SHOC2: variants seen among roughly 807,000 people sequenced by gnomAD.
SHOC2 encodes SHOC2 leucine rich repeat scaffold protein, also known as leucine-rich repeat protein SHOC-2.
Under a neutral mutation model 50.2 loss-of-function variants are expected in SHOC2, and 4 were observed. The observed-to-expected ratio is 0.08, with a 90% CI of 0.04 to 0.18. The LOEUF (loss-of-function observed/expected upper bound fraction) is 0.18, where lower values mean the gene tolerates loss of function less well. Among genes scored for constraint, SHOC2 ranks in the 10% least tolerant of loss-of-function variants. SHOC2 has a pLI of 1.00. For missense variants in SHOC2, 388 were observed against 669.6 expected (o/e 0.58, Z 4.64); for synonymous variants, 218 against 244.5 (o/e 0.89, Z 1.01).
At chr10:110,926,411 C>A (rs1404554004) in intron 1 of SHOC2, among the ~76,000 whole-genome samples, 2 of 152,196 alleles carry the variant, frequency 1.3e-5, no homozygotes, top group Non-Finnish European at 2.9e-5. Flanking sequence ...TTTAAACACA[C>A]ATTTTCTGTT....
chr10:110,921,288 T>G (rs558835177), intron 1 of SHOC2, among the ~76,000 whole-genome samples: 2 of 152,360 alleles, frequency 1.3e-5, no homozygotes, highest in South Asian at 4.1e-4. Flanking sequence ...AGACTGAGTA[T>G]GATAAGCCTT....
At chr10:110,973,762 A>G (rs1448195458) in intron 2 of SHOC2, among the ~76,000 whole-genome samples, 1 of 151,750 alleles carries the variant, frequency 6.6e-6, no homozygotes, top group Non-Finnish European at 1.5e-5. Flanking sequence ...TTTGTTCTCT[A>G]TTGAAATTTT....
intron 1 of SHOC2, among the ~76,000 whole-genome samples, chr10:110,924,095 G>A (rs1846708375): frequency 6.6e-6 from 1 of 151,944 alleles, no homozygotes; most frequent in African/African-American, 2.4e-5. Flanking sequence ...CTTGCAAATA[G>A]TCTTTAACTT....
rs1848437611 is a variant in SHOC2, at chr10:111,004,701, C to T, written c.1068C>T (p.Thr356=). 1 of 1,612,646 alleles carries T rather than the reference C, an allele frequency of 6.2e-7. No homozygotes were observed. Among genetic ancestry groups the T allele is most frequent in the Non-Finnish European group, 8.5e-7 (1 of 1,178,742 alleles). ...YPVGGPSQFS[T]IYSLNMEHNR... ...TGGGTGGTCCATCTCAGTTTTCTACCATCTATTCCCTCAACATGGAACACA... is the reference window on the plus strand; with the variant it reads ...TGGGTGGTCCATCTCAGTTTTCTACTATCTATTCCCTCAACATGGAACACA... The change falls in exon 5 of 9, where the codon ACC becomes ACT. Residue 356 remains threonine, a synonymous_variant. Transcript: ENST00000369452.
At chr10:111,008,679 A>T (rs1185273950) in intron 6 of SHOC2, among the ~76,000 whole-genome samples, 4 of 152,126 alleles carry the variant, frequency 2.6e-5, no homozygotes, top group Non-Finnish European at 5.9e-5. Context: ...AAATAAATGA[A>T]CATAAAAACT....
intron 2 of SHOC2, among the ~76,000 whole-genome samples, chr10:110,969,694 T>C (rs1387842178): frequency 6.6e-6 from 1 of 152,170 alleles, no homozygotes; most frequent in Non-Finnish European, 1.5e-5. Context: ...TTGGAGTATT[T>C]TTAAAAATGT....
chr10:110,954,941 A>G (rs895125469), intron 1 of SHOC2, among the ~76,000 whole-genome samples: 13 of 152,306 alleles, frequency 8.5e-5, no homozygotes, highest in African/African-American at 2.9e-4. Context: ...GGTAAGAGGT[A>G]AGGTTGAAGA....
chr10:110,982,816 G>T (rs1848008181), intron 2 of SHOC2, among the ~76,000 whole-genome samples: 1 of 151,894 alleles, frequency 6.6e-6, no homozygotes, highest in South Asian at 2.1e-4. Flanking sequence ...TTTTTGTACT[G>T]TCTTTGATTT....
intron 1 of SHOC2, chr10:110,937,238 G>A (rs1394318669): frequency 1.8e-6 from 2 of 1,135,996 alleles, no homozygotes; most frequent in African/African-American, 1.5e-5. Context: ...TGCCATCTTC[G>A]GCTGCCCCTT....
At chr10:110,967,340 C>A (rs1847695386) in intron 2 of SHOC2, among the ~76,000 whole-genome samples, 1 of 152,124 alleles carries the variant, frequency 6.6e-6, no homozygotes, top group African/African-American at 2.4e-5. Flanking sequence ...TACCACCCCC[C>A]ATAGATTTTG....
intron 8 of SHOC2, 121 bp downstream of exon 8, chr10:111,009,951 A>G (rs1000192179): frequency 2.5e-5 from 14 of 559,864 alleles, no homozygotes; most frequent in African/African-American, 2.1e-4. Context: ...CAGGCTTAAG[A>G]TTTTTTTTTT....
chr10:110,925,669 C>T (rs1249860403), intron 1 of SHOC2, among the ~76,000 whole-genome samples: 1 of 152,166 alleles, frequency 6.6e-6, no homozygotes, highest in Non-Finnish European at 1.5e-5. Context: ...GTTGCCCAGG[C>T]TGGTCTCAAA....
At chr10:110,987,585 A>T (rs1243232138) in intron 3 of SHOC2, among the ~76,000 whole-genome samples, 2 of 152,186 alleles carry the variant, frequency 1.3e-5, no homozygotes, top group Non-Finnish European at 2.9e-5. Context: ...ATCCAAAATA[A>T]ATATTCTACT....
intron 4 of SHOC2, among the ~76,000 whole-genome samples, chr10:111,001,774 T>A (rs1239365785): frequency 1.3e-5 from 2 of 152,006 alleles, no homozygotes; most frequent in Non-Finnish European, 2.9e-5. Flanking sequence ...TAGCTCATGC[T>A]TGTAATCCCA....
chr10:110,968,192 T>C (rs1213646730), intron 2 of SHOC2, among the ~76,000 whole-genome samples: 1 of 152,224 alleles, frequency 6.6e-6, no homozygotes, highest in African/African-American at 2.4e-5. Context: ...ATTGTAGTTT[T>C]GTTTTGCAGT....
intron 6 of SHOC2, 69 bp downstream of exon 6, chr10:111,007,722 T>A: frequency 6.7e-7 from 1 of 1,488,256 alleles, no homozygotes; most frequent in South Asian, 1.1e-5. Flanking sequence ...AATTTCAAAT[T>A]TAAATAAGCA....
intron 1 of SHOC2, chr10:110,937,043 G>A (rs1221817789): frequency 1.3e-6 from 2 of 1,485,686 alleles, no homozygotes; most frequent in East Asian, 2.3e-5. Flanking sequence ...GAAAGGGTTG[G>A]TGTTCATCCG....
chr10:110,986,039 G>T, intron 3 of SHOC2: 3 of 338,770 alleles, frequency 8.9e-6, no homozygotes, highest in East Asian at 6.1e-5. Flanking sequence ...TTGCAAAATG[G>T]GTGGCTTTTT....
chr10:110,936,945 C>T, intron 1 of SHOC2: 2 of 1,432,434 alleles, frequency 1.4e-6, no homozygotes, highest in African/African-American at 1.4e-5. Flanking sequence ...TCCAGAGCGG[C>T]CTGGCCTCGC....
Sources: allele counts gnomAD v4.1 joint callset (sites outside exome capture counted in the v4.1 genomes callset), GRCh38; gene constraint gnomAD v4.1.1; transcripts MANE v1.5; gene names NCBI Gene and HGNC (gene_info 2026-07-23, HGNC 2026-07-21).